The following CSMD1 variants were observed in gnomAD, a reference collection of about 807,000 sequenced individuals.
CSMD1 encodes the protein CUB and sushi domain-containing protein 1.
A neutral mutation model predicts 417.5 loss-of-function variants in CSMD1; 213 were observed. The observed-to-expected ratio is 0.51, with a 90% CI of 0.46 to 0.57. CSMD1 has a LOEUF of 0.57. Among genes scored for constraint, CSMD1 ranks in the 20% least tolerant of loss-of-function variants. The pLI is 0.00. For synonymous variants in CSMD1, 2,862 were observed against 1,736.8 expected, an observed-to-expected ratio of 1.65 and a Z score of -16.11; for missense variants, 6,923 against 4,529.7, an observed-to-expected ratio of 1.53 and a Z score of -15.17.
intron 7 of CSMD1, among the ~76,000 whole-genome samples, chr8:3,624,738 C>G (rs1273991971): frequency 6.6e-6 from 1 of 152,190 alleles, no homozygotes; most frequent in African/African-American, 2.4e-5. Context: ...GAGGGACACT[C>G]TAGACTTCAG....
chr8:4,763,453 T>C (rs1460421596), intron 1 of CSMD1, among the ~76,000 whole-genome samples: 1 of 152,178 alleles, frequency 6.6e-6, no homozygotes, highest in African/African-American at 2.4e-5. Context: ...GCATTATTTA[T>C]AATAGTGACA....
chr8:3,164,384 A>G (rs918922202), intron 37 of CSMD1, among the ~76,000 whole-genome samples: 8 of 152,226 alleles, frequency 5.3e-5, no homozygotes, highest in African/African-American at 1.9e-4. Context: ...TATTCCTACC[A>G]CAGATTTTCA....
intron 25 of CSMD1, among the ~76,000 whole-genome samples, chr8:3,305,496 T>C (rs1273399349): frequency 6.6e-6 from 1 of 151,948 alleles, no homozygotes; most frequent in East Asian, 1.9e-4. Context: ...TGGGAGTGGG[T>C]TAGCTATAGT....
At chr8:4,710,973 G>C (rs1808255237) in intron 1 of CSMD1, among the ~76,000 whole-genome samples, 1 of 152,064 alleles carries the variant, frequency 6.6e-6, no homozygotes, top group Non-Finnish European at 1.5e-5. Context: ...GGTGCTCTTG[G>C]ATGTGTACTT....
chr8:4,969,402 C>A (rs1810098066), intron 1 of CSMD1, among the ~76,000 whole-genome samples: 1 of 151,754 alleles, frequency 6.6e-6, no homozygotes, highest in Non-Finnish European at 1.5e-5. Context: ...TTGCCAAGAT[C>A]CAGTAGGGCA....
At chr8:3,643,531 T>A (rs1337857670) in intron 7 of CSMD1, among the ~76,000 whole-genome samples, 1 of 151,482 alleles carries the variant, frequency 6.6e-6, no homozygotes, top group East Asian at 2.0e-4. Context: ...TGAAATCCAG[T>A]CTCTACTAAA....
intron 1 of CSMD1, among the ~76,000 whole-genome samples, chr8:4,903,330 CATCTT>C (rs1217240842): frequency 1.3e-5 from 2 of 152,076 alleles, no homozygotes; most frequent in Admixed American, 1.3e-4. Context: ...ATAAAATTAC[CATCTT>C]TGATAAGTAG....
chr8:3,956,296 C>T (rs986962912), intron 5 of CSMD1, among the ~76,000 whole-genome samples: 2 of 152,154 alleles, frequency 1.3e-5, no homozygotes, highest in Non-Finnish European at 2.9e-5. Flanking sequence ...CACATCAAAA[C>T]TGTTATTATC....
chr8:3,637,084 A>G (rs4379472), intron 7 of CSMD1, among the ~76,000 whole-genome samples: 71,669 of 151,942 alleles, frequency 0.47, 17,042 homozygotes, highest in Middle Eastern at 0.64. Context: ...TGAACTTCCC[A>G]GACTCCAAAA....
intron 5 of CSMD1, among the ~76,000 whole-genome samples, chr8:3,970,941 A>G (rs112192317): frequency 0.045 from 6,835 of 151,966 alleles, 200 homozygotes; most frequent in African/African-American, 0.089. Flanking sequence ...AGTGGAGATG[A>G]GGTTTCACCA....
In CSMD1 at chr8:4,588,739, T is replaced by C. The variant is rs188419557; in HGVS notation, c.302+48603A>G. ...GGCAGAGGTTGCAGTAAGCCGAGATTGCACCACTGCACTCCAGCCTGGCGA... is the reference window on the plus strand; with the variant it reads ...GGCAGAGGTTGCAGTAAGCCGAGATCGCACCACTGCACTCCAGCCTGGCGA... On this transcript the variant is annotated intron_variant, in intron 2 of 69. Transcript: ENST00000635120. Among the ~76,000 whole-genome samples the C allele has an allele frequency of 2.5e-3, 371 of 150,670 alleles. 1 individual carries two copies. The highest frequency in any genetic ancestry group is 8.7e-3 in the African/African-American group (359 of 41,114).
intron 5 of CSMD1, among the ~76,000 whole-genome samples, chr8:3,877,839 A>G (rs1283534962): frequency 2.0e-5 from 3 of 152,224 alleles, no homozygotes; most frequent in Non-Finnish European, 4.4e-5. Context: ...ACTGACTTAA[A>G]TTTTGTCTAA....
chr8:3,055,185 A>G (rs1326099073), intron 49 of CSMD1, among the ~76,000 whole-genome samples: 2 of 152,220 alleles, frequency 1.3e-5, no homozygotes, highest in Non-Finnish European at 2.9e-5. Flanking sequence ...CCCCATCACA[A>G]AACAATTCAT....
chr8:4,538,987 G>A (rs895084785), intron 2 of CSMD1, among the ~76,000 whole-genome samples: 1 of 152,060 alleles, frequency 6.6e-6, no homozygotes, highest in Non-Finnish European at 1.5e-5. Context: ...TCTAATCTCA[G>A]CCAAAATAAA....
intron 41 of CSMD1, among the ~76,000 whole-genome samples, chr8:3,119,158 C>A (rs1041987069): frequency 2.0e-5 from 3 of 151,518 alleles, no homozygotes; most frequent in South Asian, 2.1e-4. Context: ...CCAGCCCGGG[C>A]GACAGAGCAA....
At chr8:3,094,827 G>T (rs926850813) in intron 47 of CSMD1, among the ~76,000 whole-genome samples, 5 of 143,946 alleles carry the variant, frequency 3.5e-5, no homozygotes, top group Non-Finnish European at 6.0e-5. Flanking sequence ...AAAAGAGAGA[G>T]AGAAAGAGAC....
At chr8:3,949,067 A>G (rs1012676584) in intron 5 of CSMD1, among the ~76,000 whole-genome samples, 2 of 152,152 alleles carry the variant, frequency 1.3e-5, no homozygotes, top group Non-Finnish European at 2.9e-5. Context: ...TTTAAAAGCT[A>G]TTTTTAATTA....
chr8:3,833,712 T>C (rs1030652272), intron 5 of CSMD1, among the ~76,000 whole-genome samples: 1 of 152,160 alleles, frequency 6.6e-6, no homozygotes, highest in Non-Finnish European at 1.5e-5. Flanking sequence ...TGGTTACATA[T>C]ATATAAGGTC....
At chr8:4,527,692 A>C (rs905190955) in intron 2 of CSMD1, among the ~76,000 whole-genome samples, 1 of 152,196 alleles carries the variant, frequency 6.6e-6, no homozygotes, top group Non-Finnish European at 1.5e-5. Context: ...TTTATACAGT[A>C]CATTTCTTTC....
Sources: gnomAD v4.1 joint callset for allele counts (sites outside exome capture counted in the v4.1 genomes callset) on GRCh38, gnomAD v4.1.1 for gene constraint, MANE v1.5 for transcripts, NCBI Gene and HGNC (gene_info 2026-07-23, HGNC 2026-07-21) for gene names.